Variants in GRM7 observed in about 807,000 individuals in gnomAD.
GRM7 encodes metabotropic glutamate receptor 7.
GRM7 carries 35 observed loss-of-function variants against 84.5 expected under a neutral mutation model. The observed-to-expected ratio is 0.41, with a 90% CI of 0.32 to 0.55. The LOEUF (loss-of-function observed/expected upper bound fraction) is 0.55, where lower values mean the gene tolerates loss of function less well. Among genes scored for constraint, GRM7 ranks in the 20% least tolerant of loss-of-function variants. The pLI, the probability that GRM7 is intolerant of heterozygous loss-of-function variation, is 0.19. For missense variants in GRM7, 1,003 were observed against 1,194.6 expected, an observed-to-expected ratio of 0.84 and a Z score of 2.36; for synonymous variants, 487 against 455.1, an observed-to-expected ratio of 1.07 and a Z score of -0.89.
chr3:7,248,691 C>T (rs1697865732), intron 2 of GRM7, among the ~76,000 whole-genome samples: 1 of 151,972 alleles, frequency 6.6e-6, no homozygotes, highest in Admixed American at 6.6e-5. Context: ...GTTCTGGATC[C>T]AGATTTTAAA....
chr3:6,965,966 C>A (rs1693500728), intron 1 of GRM7, among the ~76,000 whole-genome samples: 2 of 152,070 alleles, frequency 1.3e-5, no homozygotes, highest in African/African-American at 4.8e-5. Flanking sequence ...TTTGGTCATC[C>A]CTGTCACCAA....
intron 2 of GRM7, among the ~76,000 whole-genome samples, chr3:7,153,938 C>G (rs1319861230): frequency 6.6e-6 from 1 of 152,012 alleles, no homozygotes; most frequent in African/African-American, 2.4e-5. Context: ...AACTAAATCC[C>G]AAAGGTAAGT....
intron 4 of GRM7, among the ~76,000 whole-genome samples, chr3:7,395,442 C>T: frequency 6.6e-6 from 1 of 152,256 alleles, no homozygotes; most frequent in African/African-American, 2.4e-5. Flanking sequence ...GTCATCTCAC[C>T]ATTTCTACTA....
At chr3:6,876,733 CT>C (rs1695319270) in intron 1 of GRM7, among the ~76,000 whole-genome samples, 1 of 151,428 alleles carries the variant, frequency 6.6e-6, no homozygotes, top group African/African-American at 2.4e-5. Flanking sequence ...ACTGGAGAAG[CT>C]GGGATTATAG....
At chr3:7,133,737 T>C (rs1693678900) in intron 1 of GRM7, among the ~76,000 whole-genome samples, 1 of 152,142 alleles carries the variant, frequency 6.6e-6, no homozygotes, top group South Asian at 2.1e-4. Context: ...TCTCCTAATA[T>C]ATGGTTGTCT....
At chr3:7,530,984 C>A (rs993724280) in intron 7 of GRM7, among the ~76,000 whole-genome samples, 2 of 152,138 alleles carry the variant, frequency 1.3e-5, no homozygotes, top group Non-Finnish European at 1.5e-5. Flanking sequence ...GCTTTTGTTG[C>A]AATTACTTTT....
chr3:7,304,194 T>C (rs1700106191), intron 3 of GRM7, among the ~76,000 whole-genome samples: 2 of 152,008 alleles, frequency 1.3e-5, no homozygotes, highest in Non-Finnish European at 2.9e-5. Flanking sequence ...ATAGAGCTAC[T>C]GAACAAATAT....
At chr3:7,159,778 G>T (rs1694566815) in intron 2 of GRM7, among the ~76,000 whole-genome samples, 2 of 152,078 alleles carry the variant, frequency 1.3e-5, no homozygotes, top group South Asian at 2.1e-4. Context: ...TGTCTAGTCT[G>T]GTACCTTTAA....
At chr3:7,040,221 A>G (rs1157421320) in intron 1 of GRM7, among the ~76,000 whole-genome samples, 3 of 152,232 alleles carry the variant, frequency 2.0e-5, no homozygotes, top group African/African-American at 4.8e-5. Context: ...CTGAACATTG[A>G]TAACTCATCA....
chr3:7,361,725 T>G (rs1234520258), intron 4 of GRM7, among the ~76,000 whole-genome samples: 1 of 152,050 alleles, frequency 6.6e-6, no homozygotes, highest in Non-Finnish European at 1.5e-5. Context: ...CTCACAGAAG[T>G]GAGAGAAAAA....
intron 1 of GRM7, among the ~76,000 whole-genome samples, chr3:7,007,368 T>G (rs976555777): frequency 3.9e-5 from 6 of 152,202 alleles, no homozygotes; most frequent in Non-Finnish European, 7.4e-5. Context: ...CATATTTTTT[T>G]GGCCTTCAAG....
At chr3:7,165,437 T>C (rs1185158738) in intron 2 of GRM7, among the ~76,000 whole-genome samples, 1 of 152,254 alleles carries the variant, frequency 6.6e-6, no homozygotes, top group Non-Finnish European at 1.5e-5. Context: ...CACTTTACTG[T>C]CTGAAAATAT....
At chr3:7,580,599 G>A (rs974426861) in intron 8 of GRM7, among the ~76,000 whole-genome samples, 1 of 152,140 alleles carries the variant, frequency 6.6e-6, no homozygotes, top group Non-Finnish European at 1.5e-5. Flanking sequence ...GTGTAATTCA[G>A]AGGGGCTATA....
At chr3:6,960,779 G>A (rs778747840) in intron 1 of GRM7, among the ~76,000 whole-genome samples, 69 of 152,180 alleles carry the variant, frequency 4.5e-4, no homozygotes, top group Admixed American at 8.5e-4. Flanking sequence ...CCCCTAAGAG[G>A]AGAATGCCTT....
At chr3:7,213,853 G>C (rs143269602) in intron 2 of GRM7, among the ~76,000 whole-genome samples, 1,579 of 152,188 alleles carry the variant, frequency 0.01, 26 homozygotes, top group African/African-American at 0.034. Flanking sequence ...GGAGAGTTAG[G>C]GCCTTGGTGC....
intron 7 of GRM7, among the ~76,000 whole-genome samples, chr3:7,493,649 T>C (rs1007934204): frequency 1.3e-5 from 2 of 152,026 alleles, no homozygotes; most frequent in Non-Finnish European, 2.9e-5. Context: ...TGTTTTTTGA[T>C]TGGCATATTT....
chr3:6,977,177 G>T (rs1694031671), intron 1 of GRM7, among the ~76,000 whole-genome samples: 1 of 152,122 alleles, frequency 6.6e-6, no homozygotes, highest in African/African-American at 2.4e-5. Flanking sequence ...GAGGACTGGG[G>T]GTTAGTTGAT....
rs1158741467 is a variant in GRM7 at position 7,422,619 on chromosome 3, T to C, written c.1174+7456T>C. On this transcript the variant is annotated intron_variant, in intron 5 of 9. Coordinates refer to ENST00000357716, the MANE Select transcript of GRM7 (RefSeq NM_000844.4). ...ATTTAGATCCATTCATATCCTTCCA[T>C]TATTTTTTGTATATGGCATATGTTT... 2.0e-5 allele frequency among the ~76,000 whole-genome samples: 3 copies of C among 152,196 alleles called. No homozygotes were observed. The East Asian group carries it at 5.8e-4, about 29-fold the overall frequency.
At chr3:7,275,027 T>C (rs556616147) in intron 2 of GRM7, among the ~76,000 whole-genome samples, 36 of 152,288 alleles carry the variant, frequency 2.4e-4, no homozygotes, top group Middle Eastern at 3.4e-3. Flanking sequence ...GAAGTCTCTA[T>C]TGAGATATGC....
Sources: allele counts gnomAD v4.1 joint callset (sites outside exome capture counted in the v4.1 genomes callset), GRCh38; gene constraint gnomAD v4.1.1; transcripts MANE v1.5; gene names NCBI Gene and HGNC (gene_info 2026-07-23, HGNC 2026-07-21).